AGBL4: variants seen among roughly 807,000 people sequenced by gnomAD.
AGBL4 encodes AGBL carboxypeptidase 4.
A neutral mutation model predicts 66.4 loss-of-function variants in AGBL4; 58 were observed. The ratio of observed to expected loss-of-function variants is 0.87; its 90% CI spans 0.71 to 1.09. The LOEUF is 1.09. Ranked by LOEUF, AGBL4 falls within the 50% of genes least tolerant of loss-of-function variation. The probability of loss-of-function intolerance (pLI) is 0.00; values close to 1 mark genes in which losing one functional copy is unlikely to be tolerated. For synonymous variants in AGBL4, 234 were observed against 222.9 expected, an observed-to-expected ratio of 1.05 and a Z score of -0.44; for missense variants, 579 against 631.0, an observed-to-expected ratio of 0.92 and a Z score of 0.88.
intron 3 of AGBL4, among the ~76,000 whole-genome samples, chr1:49,488,183 A>C (rs1459252292): frequency 3.3e-5 from 5 of 151,764 alleles, no homozygotes; most frequent in Non-Finnish European, 2.9e-5. Context: ...AGAAATAAAA[A>C]TTGTAAAGTT....
intron 11 of AGBL4, among the ~76,000 whole-genome samples, chr1:48,548,130 G>C (rs1264239936): frequency 6.6e-6 from 1 of 152,126 alleles, no homozygotes; most frequent in Non-Finnish European, 1.5e-5. Context: ...CTAGCTATGG[G>C]AAACAAGCTG....
intron 2 of AGBL4, among the ~76,000 whole-genome samples, chr1:49,831,681 C>T (rs1419970074): frequency 6.6e-6 from 1 of 152,136 alleles, no homozygotes; most frequent in Non-Finnish European, 1.5e-5. Context: ...GCATCCTTGT[C>T]CTGTACTGGT....
intron 5 of AGBL4, among the ~76,000 whole-genome samples, chr1:48,997,083 C>T (rs1180831359): frequency 6.6e-6 from 1 of 152,006 alleles, no homozygotes; most frequent in Non-Finnish European, 1.5e-5. Context: ...CCACCACGCC[C>T]AGCTAGTTTT....
At chr1:48,807,975 C>T (rs895731371) in intron 6 of AGBL4, among the ~76,000 whole-genome samples, 2 of 152,048 alleles carry the variant, frequency 1.3e-5, no homozygotes, top group East Asian at 3.9e-4. Flanking sequence ...GTATCTGAGG[C>T]AATGACACAA....
At chr1:49,379,298 T>C (rs1156777698) in intron 3 of AGBL4, among the ~76,000 whole-genome samples, 3 of 152,168 alleles carry the variant, frequency 2.0e-5, no homozygotes, top group Admixed American at 1.3e-4. Flanking sequence ...GTATGAATTG[T>C]TATATGTGCA....
intron 5 of AGBL4, among the ~76,000 whole-genome samples, chr1:48,873,289 C>T (rs1648870673): frequency 1.3e-5 from 2 of 152,060 alleles, no homozygotes; most frequent in South Asian, 4.1e-4. Context: ...TTTGCCTTTG[C>T]ACATGTTGTT....
At chr1:49,705,952 T>G (rs1294572778) in intron 2 of AGBL4, among the ~76,000 whole-genome samples, 1 of 152,146 alleles carries the variant, frequency 6.6e-6, no homozygotes, top group African/African-American at 2.4e-5. Context: ...TTGCCAGTAT[T>G]TTATTGAGGA....
chr1:49,950,080 A>ATG (rs1655984790), intron 1 of AGBL4, among the ~76,000 whole-genome samples: 2 of 140,886 alleles, frequency 1.4e-5, no homozygotes, highest in Non-Finnish European at 3.1e-5. Context: ...ATATACACAT[A>ATG]TGTGTATATA....
chr1:49,312,332 G>C (rs997902154), intron 3 of AGBL4, among the ~76,000 whole-genome samples: 2 of 151,982 alleles, frequency 1.3e-5, no homozygotes, highest in African/African-American at 4.8e-5. Context: ...TGGAAGCAAA[G>C]ACAGAGTCCT....
intron 11 of AGBL4, among the ~76,000 whole-genome samples, chr1:48,568,381 C>T (rs1001985277): frequency 2.0e-5 from 3 of 152,132 alleles, no homozygotes; most frequent in African/African-American, 7.2e-5. Context: ...GGGCTTTAGG[C>T]TAGCTTGGCT....
At chr1:48,688,572 G>T (rs551865653) in intron 6 of AGBL4, among the ~76,000 whole-genome samples, 4 of 152,324 alleles carry the variant, frequency 2.6e-5, no homozygotes, top group African/African-American at 9.6e-5. Flanking sequence ...TAGGGACCCA[G>T]ACTCCCCCAG....
At chr1:48,887,361 G>A (rs143306122) in intron 5 of AGBL4, among the ~76,000 whole-genome samples, 1 of 152,268 alleles carries the variant, frequency 6.6e-6, no homozygotes, top group East Asian at 1.9e-4. Context: ...TTACTGATGT[G>A]TGCCCTTGGC....
intron 3 of AGBL4, among the ~76,000 whole-genome samples, chr1:49,477,668 C>G (rs1463545465): frequency 1.3e-5 from 2 of 151,994 alleles, no homozygotes; most frequent in East Asian, 3.9e-4. Context: ...AAGAAATCTA[C>G]TAGCATCAAT....
At chr1:49,314,850 G>C (rs1645010198) in intron 3 of AGBL4, among the ~76,000 whole-genome samples, 1 of 152,112 alleles carries the variant, frequency 6.6e-6, no homozygotes, top group African/African-American at 2.4e-5. Flanking sequence ...CCCACCAACA[G>C]TGTAAAAGCA....
chr1:49,170,187 T>C (rs1262784545), intron 4 of AGBL4, among the ~76,000 whole-genome samples: 1 of 147,432 alleles, frequency 6.8e-6, no homozygotes, highest in Non-Finnish European at 1.5e-5. Flanking sequence ...TAAATTTATA[T>C]TCATATAAAT....
intron 6 of AGBL4, among the ~76,000 whole-genome samples, chr1:48,785,618 A>G (rs533101479): frequency 6.6e-6 from 1 of 152,374 alleles, no homozygotes; most frequent in African/African-American, 2.4e-5. Context: ...AATGATGTAC[A>G]CAGAAGAAAA....
chr1:48,744,142 C>T (rs1237030206), intron 6 of AGBL4, among the ~76,000 whole-genome samples: 1 of 152,192 alleles, frequency 6.6e-6, no homozygotes, highest in Non-Finnish European at 1.5e-5. Context: ...CCAATAGCAT[C>T]ATCATCGTTC....
At chr1:49,033,627 T>C (rs1452393606) in intron 5 of AGBL4, among the ~76,000 whole-genome samples, 1 of 152,008 alleles carries the variant, frequency 6.6e-6, no homozygotes, top group Non-Finnish European at 1.5e-5. Flanking sequence ...CCGACATCCT[T>C]GCTTTTCCAC....
chr1:49,831,126 T>C (rs1645662144), intron 2 of AGBL4, among the ~76,000 whole-genome samples: 1 of 152,212 alleles, frequency 6.6e-6, no homozygotes, highest in Non-Finnish European at 1.5e-5. Flanking sequence ...TTAAAGTAGT[T>C]TTTTCTAATT....
Sources: gnomAD v4.1 joint callset for allele counts (sites outside exome capture counted in the v4.1 genomes callset) on GRCh38, gnomAD v4.1.1 for gene constraint, MANE v1.5 for transcripts, NCBI Gene and HGNC (gene_info 2026-07-23, HGNC 2026-07-21) for gene names.